RBMS3: variants seen among roughly 807,000 people sequenced by gnomAD.
RBMS3 encodes RNA binding motif single stranded interacting protein 3.
Under a neutral mutation model 66.8 loss-of-function variants are expected in RBMS3, and 27 were observed. The observed-to-expected ratio is 0.40, with a 90% confidence interval of 0.30 to 0.56. The LOEUF (loss-of-function observed/expected upper bound fraction) is 0.56. Ranked by LOEUF, RBMS3 falls within the 20% of genes least tolerant of loss-of-function variation. RBMS3 has a pLI of 0.40. For synonymous variants in RBMS3, 188 were observed against 183.0 expected, an observed-to-expected ratio of 1.03 and a Z score of -0.22; for missense variants, 513 against 549.5, an observed-to-expected ratio of 0.93 and a Z score of 0.66.
At chr3:29,935,326 A>C (rs945476724) in intron 10 of RBMS3, among the ~76,000 whole-genome samples, 39 of 152,050 alleles carry the variant, frequency 2.6e-4, no homozygotes, top group African/African-American at 8.9e-4. Flanking sequence ...TATCCCCAAC[A>C]ATGATAATAA....
chr3:29,813,454 G>A (rs550156669), intron 6 of RBMS3, among the ~76,000 whole-genome samples: 3 of 152,172 alleles, frequency 2.0e-5, no homozygotes, highest in South Asian at 2.1e-4. Context: ...GATTGACTTG[G>A]CGATGCGGGC....
chr3:29,949,993 T>C (rs1385777181), intron 12 of RBMS3, among the ~76,000 whole-genome samples: 1 of 151,860 alleles, frequency 6.6e-6, no homozygotes, highest in Non-Finnish European at 1.5e-5. Context: ...ACTGTTGTGA[T>C]TGTTGATTAG....
In RBMS3 at chr3:29,920,556, A is replaced by C. The variant is rs188368528; in HGVS notation, c.940-15530A>C. Among the ~76,000 whole-genome samples, 8 of 152,350 alleles carry C rather than the reference A, an allele frequency of 5.3e-5. No individual in the cohort carries two copies. The East Asian group carries it at 1.5e-3, about 29-fold the overall frequency. ...GAGTTCACACTATAGCTGTGTCACTAGGATGGGGTGAAATCATCATTTCAT... is the reference window on the plus strand; with the variant it reads ...GAGTTCACACTATAGCTGTGTCACTCGGATGGGGTGAAATCATCATTTCAT... On this transcript the variant is annotated intron_variant, in intron 10 of 14. Transcript: ENST00000383767.
At chr3:29,636,282 T>C (rs2049471366) in intron 4 of RBMS3, among the ~76,000 whole-genome samples, 1 of 151,886 alleles carries the variant, frequency 6.6e-6, no homozygotes, top group Non-Finnish European at 1.5e-5. Flanking sequence ...TGTGGCCGTG[T>C]AAGACAGAAT....
intron 1 of RBMS3, among the ~76,000 whole-genome samples, chr3:29,411,852 C>T (rs892970152): frequency 3.9e-5 from 6 of 152,154 alleles, no homozygotes; most frequent in African/African-American, 1.4e-4. Flanking sequence ...GTTTCAAACA[C>T]ATACACAAAA....
At chr3:29,670,253 G>T (rs1459944501) in intron 4 of RBMS3, among the ~76,000 whole-genome samples, 1 of 152,140 alleles carries the variant, frequency 6.6e-6, no homozygotes, top group Non-Finnish European at 1.5e-5. Context: ...GGTCATTGAA[G>T]ATTTAATTAG....
At chr3:29,983,348 A>G (rs1698137489) in intron 12 of RBMS3, among the ~76,000 whole-genome samples, 2 of 152,054 alleles carry the variant, frequency 1.3e-5, no homozygotes, top group East Asian at 1.9e-4. Flanking sequence ...CAGCACACCA[A>G]TGGGTCTTAC....
chr3:29,928,211 T>TATATATACACAC (rs1291440563), intron 10 of RBMS3, among the ~76,000 whole-genome samples: 25 of 93,492 alleles, frequency 2.7e-4, no homozygotes, highest in African/African-American at 9.3e-4. Context: ...TATATATATA[T>TATATATACACAC]ACACACACAC....
chr3:29,837,687 T>C (rs1418051988), intron 6 of RBMS3, among the ~76,000 whole-genome samples: 1 of 122,724 alleles, frequency 8.1e-6, no homozygotes, highest in African/African-American at 3.4e-5. Context: ...TATATATATA[T>C]ATATATATAT....
Position 29,825,041 on chromosome 3 carries a change from C to CT in RBMS3, c.638-43802dup, listed in dbSNP as rs199929851. On this transcript the variant is annotated intron_variant, in intron 6 of 14. Coordinates refer to ENST00000383767, the MANE Select transcript of RBMS3 (RefSeq NM_001003793.3). ...AATTAGGGTAAACTATATCATCATT[C>CT]TTTTTTTTTTTTTTTGACAGTTTCG... Among the ~76,000 whole-genome samples the CT allele has an allele frequency of 8.9e-3, 1,245 of 140,440 alleles. 9 individuals carry two copies. Among genetic ancestry groups the CT allele is most frequent in the East Asian group, 0.046 (221 of 4,808 alleles). The allele number at this position is 140,440 out of a possible 152,430, so 92.1% of individuals were successfully genotyped here. A position where few individuals can be genotyped will look rare whatever the true frequency, so the allele number is the denominator to read the frequency against.
chr3:29,894,998 G>A (rs2060092319), intron 8 of RBMS3, among the ~76,000 whole-genome samples: 2 of 151,476 alleles, frequency 1.3e-5, no homozygotes, highest in African/African-American at 4.8e-5. Flanking sequence ...TGGAGAAAGG[G>A]TTAAGAAAAC....
chr3:29,996,539 G>T (rs1383222205), intron 14 of RBMS3, among the ~76,000 whole-genome samples: 1 of 149,586 alleles, frequency 6.7e-6, no homozygotes, highest in East Asian at 2.0e-4. Flanking sequence ...CTCAGCAAAT[G>T]TAAAAGAACA....
intron 4 of RBMS3, among the ~76,000 whole-genome samples, chr3:29,714,747 TACACAC>T (rs34878958): frequency 0.44 from 65,658 of 149,198 alleles, 14,262 homozygotes; most frequent in Middle Eastern, 0.54. Context: ...TGCACACATG[TACACAC>T]ACACACACAC....
chr3:29,850,346 G>T (rs1198114099), intron 6 of RBMS3, among the ~76,000 whole-genome samples: 1 of 152,036 alleles, frequency 6.6e-6, no homozygotes, highest in Non-Finnish European at 1.5e-5. Flanking sequence ...CATGAAGGAG[G>T]CCATCTTTAT....
At chr3:29,622,373 A>T (rs1343868664) in intron 4 of RBMS3, among the ~76,000 whole-genome samples, 1 of 152,216 alleles carries the variant, frequency 6.6e-6, no homozygotes, top group Non-Finnish European at 1.5e-5. Context: ...CAGAATACAG[A>T]TTGGAGGACA....
At chr3:29,828,945 G>T (rs1021892595) in intron 6 of RBMS3, among the ~76,000 whole-genome samples, 7 of 151,846 alleles carry the variant, frequency 4.6e-5, no homozygotes, top group Non-Finnish European at 8.8e-5. Flanking sequence ...AGAAATGTGT[G>T]TCTTTGGCAT....
intron 6 of RBMS3, among the ~76,000 whole-genome samples, chr3:29,840,115 T>C (rs2058625388): frequency 6.6e-6 from 1 of 151,958 alleles, no homozygotes; most frequent in Non-Finnish European, 1.5e-5. Context: ...GAAAAGAAAA[T>C]TAGATTGGAG....
intron 1 of RBMS3, among the ~76,000 whole-genome samples, chr3:29,432,460 G>T (rs907113437): frequency 6.6e-6 from 1 of 152,200 alleles, no homozygotes; most frequent in Non-Finnish European, 1.5e-5. Flanking sequence ...GTGTAAAACA[G>T]ATTACTATTG....
At chr3:29,894,839 G>T (rs1454917899) in intron 8 of RBMS3, among the ~76,000 whole-genome samples, 1 of 151,570 alleles carries the variant, frequency 6.6e-6, no homozygotes, top group Non-Finnish European at 1.5e-5. Context: ...AGTTGAGTGA[G>T]ACCAGAAATG....
Sources: gnomAD v4.1 joint callset for allele counts (sites outside exome capture counted in the v4.1 genomes callset) on GRCh38, gnomAD v4.1.1 for gene constraint, MANE v1.5 for transcripts, NCBI Gene and HGNC (gene_info 2026-07-23, HGNC 2026-07-21) for gene names.